The following SLC35D4 variants were observed in gnomAD, a reference collection of about 807,000 sequenced individuals.
The protein encoded by SLC35D4 is UDP-N-acetylglucosamine transporter SLC35D4.
At chr18:23,434,877 G>A in the SLC35D4 span, among the ~76,000 whole-genome samples, 1 of 152,086 alleles carries the variant, frequency 6.6e-6, no homozygotes, top group Non-Finnish European at 1.5e-5. Context: ...GTACATCCAG[G>A]CCAGGAGTGG....
At chr18:23,299,768 T>C in the SLC35D4 span, among the ~76,000 whole-genome samples, 1 of 152,100 alleles carries the variant, frequency 6.6e-6, no homozygotes, top group Non-Finnish European at 1.5e-5. Context: ...GTCAGTCAGG[T>C]TGAGGGGCTT....
chr18:23,433,927 C>G, the SLC35D4 span, among the ~76,000 whole-genome samples: 2 of 152,024 alleles, frequency 1.3e-5, no homozygotes, highest in African/African-American at 4.8e-5. Context: ...TACATGCTCT[C>G]TGCCACATTA....
At chr18:23,249,459 G>GA in the SLC35D4 span, among the ~76,000 whole-genome samples, 1 of 152,188 alleles carries the variant, frequency 6.6e-6, no homozygotes, top group African/African-American at 2.4e-5. Flanking sequence ...TTGGCACATA[G>GA]AAATCAGCTG....
chr18:23,429,018 T>C, the SLC35D4 span, among the ~76,000 whole-genome samples: 1 of 152,224 alleles, frequency 6.6e-6, no homozygotes, highest in Non-Finnish European at 1.5e-5. Flanking sequence ...AAGGACATAA[T>C]TGTGCTCTTT....
chr18:23,252,878 G>A, the SLC35D4 span: 1 of 886,408 alleles, frequency 1.1e-6, no homozygotes. Flanking sequence ...TTTGGGAGTT[G>A]TAAGTTGGTC....
At chr18:23,304,682 C>A in the SLC35D4 span, among the ~76,000 whole-genome samples, 1 of 152,066 alleles carries the variant, frequency 6.6e-6, no homozygotes, top group African/African-American at 2.4e-5. Flanking sequence ...CACCCCTCCC[C>A]AGAAGGACAG....
the SLC35D4 span, among the ~76,000 whole-genome samples, chr18:23,324,035 A>G: frequency 7.3e-5 from 11 of 151,052 alleles, no homozygotes; most frequent in African/African-American, 2.7e-4. Context: ...GTGAACCGAG[A>G]TCACACCACC....
chr18:23,437,617 A>G, the SLC35D4 span, among the ~76,000 whole-genome samples: 2 of 152,074 alleles, frequency 1.3e-5, no homozygotes, highest in African/African-American at 4.8e-5. Context: ...GGCAAATCCT[A>G]TTTCTGAAAG....
the SLC35D4 span, among the ~76,000 whole-genome samples, chr18:23,339,870 C>T: frequency 6.6e-6 from 1 of 152,220 alleles, no homozygotes; most frequent in African/African-American, 2.4e-5. Flanking sequence ...AGCTACTCAT[C>T]TCCCAAAGTC....
chr18:23,427,488 A>G, the SLC35D4 span, among the ~76,000 whole-genome samples: 1 of 152,120 alleles, frequency 6.6e-6, no homozygotes, highest in Non-Finnish European at 1.5e-5. Context: ...CACACCAGTT[A>G]GAATGGCGAT....
At chr18:23,270,259 T>G in the SLC35D4 span, among the ~76,000 whole-genome samples, 7,064 of 152,298 alleles carry the variant, frequency 0.046, 262 homozygotes, top group African/African-American at 0.1. Context: ...GCCCCAAGCC[T>G]TGGTAGCTTA....
At chr18:23,425,038 T>A in the SLC35D4 span, among the ~76,000 whole-genome samples, 1 of 152,158 alleles carries the variant, frequency 6.6e-6, no homozygotes, top group African/African-American at 2.4e-5. Flanking sequence ...TCAGCACTAG[T>A]CCCTTAACAT....
chr18:23,415,929 C>T, the SLC35D4 span, among the ~76,000 whole-genome samples: 1 of 152,106 alleles, frequency 6.6e-6, no homozygotes, highest in Non-Finnish European at 1.5e-5. Flanking sequence ...ATGTGTTGGC[C>T]GGGCATGGTG....
the SLC35D4 span, among the ~76,000 whole-genome samples, chr18:23,252,041 G>A: frequency 6.7e-6 from 1 of 149,776 alleles, no homozygotes; most frequent in Admixed American, 6.7e-5. Flanking sequence ...AACCAAGATT[G>A]CACCGCTGCA....
chr18:23,275,068 TTGTGTG>T, the SLC35D4 span, among the ~76,000 whole-genome samples: 3 of 128,536 alleles, frequency 2.3e-5, no homozygotes, highest in East Asian at 2.5e-4. Context: ...GTAGGTGTGC[TTGTGTG>T]TGTGTGTGCT....
chr18:23,402,844 C>T, the SLC35D4 span, among the ~76,000 whole-genome samples: 2 of 151,984 alleles, frequency 1.3e-5, no homozygotes, highest in East Asian at 3.9e-4. Flanking sequence ...TGGTGACTCA[C>T]GCCTGTAATC....
At chr18:23,316,711 G>C in the SLC35D4 span, among the ~76,000 whole-genome samples, 1 of 152,188 alleles carries the variant, frequency 6.6e-6, no homozygotes, top group Non-Finnish European at 1.5e-5. Flanking sequence ...TAAACCTAGA[G>C]AAATCTTAGG....
chr18:23,368,740 G>A, the SLC35D4 span: 2 of 1,447,790 alleles, frequency 1.4e-6, no homozygotes, highest in Non-Finnish European at 1.9e-6. Flanking sequence ...AAGTATTGCT[G>A]GTCAATGTCA....
At chr18:23,431,938 G>C in the SLC35D4 span, among the ~76,000 whole-genome samples, 1 of 152,146 alleles carries the variant, frequency 6.6e-6, no homozygotes, top group African/African-American at 2.4e-5. Context: ...TGCTGGGCAA[G>C]TTTATATATC....
Sources: allele counts gnomAD v4.1 joint callset (sites outside exome capture counted in the v4.1 genomes callset), GRCh38; gene constraint gnomAD v4.1.1; transcripts MANE v1.5; gene names NCBI Gene and HGNC (gene_info 2026-07-23, HGNC 2026-07-21).